FRMD6: variants seen among roughly 807,000 people sequenced by gnomAD.
The protein encoded by FRMD6 is FERM domain containing 6, also known as FERM domain-containing protein 6.
A neutral mutation model predicts 73.2 loss-of-function variants in FRMD6; 37 were observed. The ratio of observed to expected loss-of-function variants is 0.51; its 90% CI spans 0.39 to 0.66. The LOEUF (loss-of-function observed/expected upper bound fraction) is 0.66. Ranked by LOEUF, FRMD6 falls within the 30% of genes least tolerant of loss-of-function variation. The pLI is 0.00. For missense variants in FRMD6, 714 were observed against 780.5 expected, an observed-to-expected ratio of 0.91 and a Z score of 1.02; for synonymous variants, 273 against 282.2, an observed-to-expected ratio of 0.97 and a Z score of 0.33.
chr14:51,673,196 G>T (rs1341876436), intron 1 of FRMD6, among the ~76,000 whole-genome samples: 1 of 152,114 alleles, frequency 6.6e-6, no homozygotes, highest in African/African-American at 2.4e-5. Context: ...ACTATGCCCA[G>T]CTCTATGTGA....
chr14:51,416,542 T>C, the FRMD6 span, among the ~76,000 whole-genome samples: 2 of 152,318 alleles, frequency 1.3e-5, no homozygotes, highest in Non-Finnish European at 2.9e-5. Context: ...TCCTGTTCTT[T>C]TACATTTGCT....
intron 10 of FRMD6, among the ~76,000 whole-genome samples, chr14:51,719,202 T>C (rs1897401339): frequency 6.7e-6 from 1 of 149,614 alleles, no homozygotes; most frequent in African/African-American, 2.5e-5. Flanking sequence ...GGTTGTAACT[T>C]TGTGCCTTAA....
chr14:51,606,894 G>A (rs527587420), intron 2 of FRMD6, among the ~76,000 whole-genome samples: 1 of 152,254 alleles, frequency 6.6e-6, no homozygotes, highest in Admixed American at 6.5e-5. Context: ...GAGGTGGGGA[G>A]GGGGCTGGCA....
chr14:51,527,135 G>A (rs894243790), intron 1 of FRMD6, among the ~76,000 whole-genome samples: 6 of 152,264 alleles, frequency 3.9e-5, no homozygotes, highest in African/African-American at 1.4e-4. Flanking sequence ...ATGATTTAGT[G>A]TAGGAAAAGT....
chr14:51,662,348 C>CA (rs1358812977), intron 1 of FRMD6, among the ~76,000 whole-genome samples: 1 of 152,030 alleles, frequency 6.6e-6, no homozygotes, highest in Non-Finnish European at 1.5e-5. Context: ...ATAGCCAAGG[C>CA]AATCCTAAGC....
In FRMD6 at chr14:51,582,789, G is replaced by T. The variant is rs188790386; in HGVS notation, c.-147+12379G>T. On this transcript the variant is annotated intron_variant, in intron 2 of 14. Transcript: ENST00000356218. ...TCCTTCTGGAGCACTTCTTAAGGGA[G>T]CTTGGTTGCTTTATTGGAAATTCGT... Among the ~76,000 whole-genome samples, 7 of 152,310 alleles carry T rather than the reference G, an allele frequency of 4.6e-5. No homozygotes were observed. In the East Asian group the frequency reaches 7.7e-4, roughly 17 times the overall value.
At chr14:51,501,203 C>T (rs765622611) in intron 1 of FRMD6, among the ~76,000 whole-genome samples, 1 of 152,130 alleles carries the variant, frequency 6.6e-6, no homozygotes, top group African/African-American at 2.4e-5. Context: ...ATGTCATTTT[C>T]TTTGTTCTTC....
the FRMD6 span, among the ~76,000 whole-genome samples, chr14:51,416,247 G>T: frequency 1.3e-5 from 2 of 151,888 alleles, no homozygotes; most frequent in South Asian, 2.1e-4. Flanking sequence ...GTGATGTTAG[G>T]GTGTCAATTT....
the FRMD6 span, among the ~76,000 whole-genome samples, chr14:51,448,576 A>G: frequency 1.3e-5 from 2 of 152,350 alleles, no homozygotes; most frequent in African/African-American, 4.8e-5. Flanking sequence ...CTGAAATATA[A>G]GTTAGTTACC....
chr14:51,624,661 G>A (rs1891053075), intron 2 of FRMD6, among the ~76,000 whole-genome samples: 1 of 152,148 alleles, frequency 6.6e-6, no homozygotes, highest in African/African-American at 2.4e-5. Context: ...TCTGCTTAGC[G>A]AGTGGACAAG....
Position 51,725,776 on chromosome 14 carries a change from C to T in FRMD6, c.1493-3C>T, listed in dbSNP as rs1266588519. ...TTGTTTTTATCTCTGTGTTTTATTT[C>T]AGGGTTGATTGTGAAAGAAATTGGG... On this transcript the variant is annotated splice_polypyrimidine_tract_variant and splice_region_variant and intron_variant, in intron 12 of 13. Transcript: ENST00000344768. 1 of 1,606,546 alleles carries T rather than the reference C, an allele frequency of 6.2e-7. No individual in the cohort carries two copies. The highest frequency in any genetic ancestry group is 1.7e-5 in the Admixed American group (1 of 59,942).
At chr14:51,719,459 T>A (rs946053020) in intron 10 of FRMD6, among the ~76,000 whole-genome samples, 3 of 152,238 alleles carry the variant, frequency 2.0e-5, no homozygotes, top group African/African-American at 7.2e-5. Flanking sequence ...CAAGAAATTC[T>A]CAGAAGAATA....
the FRMD6 span, among the ~76,000 whole-genome samples, chr14:51,447,383 G>A: frequency 2.0e-5 from 3 of 152,208 alleles, no homozygotes; most frequent in South Asian, 4.2e-4. Context: ...CTCCACTCAT[G>A]GGAATCAGTG....
chr14:51,467,694 C>T, the FRMD6 span, among the ~76,000 whole-genome samples: 18 of 149,508 alleles, frequency 1.2e-4, 2 homozygotes, highest in East Asian at 3.0e-3. Context: ...CAGATGGGGT[C>T]GCGGCCTGGC....
At chr14:51,477,737 C>CTTTTTTTTTTTTTTTTTT in the FRMD6 span, among the ~76,000 whole-genome samples, 1 of 134,170 alleles carries the variant, frequency 7.5e-6, no homozygotes, top group Non-Finnish European at 1.6e-5. Flanking sequence ...TTTTCTTTTT[C>CTTTTTTTTTTTTTTTTTT]TTTTTTTTTT....
At chr14:51,580,478 T>C (rs1566481707) in intron 2 of FRMD6, among the ~76,000 whole-genome samples, 5 of 152,144 alleles carry the variant, frequency 3.3e-5, no homozygotes, top group Non-Finnish European at 5.9e-5. Context: ...ATTTTACAAC[T>C]AAGGAAAATG....
intron 2 of FRMD6, among the ~76,000 whole-genome samples, chr14:51,599,430 TG>T (rs2139793971): frequency 6.6e-6 from 1 of 152,168 alleles, no homozygotes; most frequent in African/African-American, 2.4e-5. Context: ...GCATTGACCT[TG>T]GGAAAGAATT....
the FRMD6 span, among the ~76,000 whole-genome samples, chr14:51,417,633 G>A: frequency 5.3e-5 from 8 of 152,032 alleles, no homozygotes; most frequent in Admixed American, 2.0e-4. Flanking sequence ...TGTGTCTTGG[G>A]GTTGCTCTTC....
chr14:51,625,793 C>T (rs900237899), intron 2 of FRMD6, among the ~76,000 whole-genome samples: 8 of 152,192 alleles, frequency 5.3e-5, no homozygotes, highest in Admixed American at 5.2e-4. Context: ...TTTGAGGAAG[C>T]TTTCCCTATT....
Sources: gnomAD v4.1 joint callset for allele counts (sites outside exome capture counted in the v4.1 genomes callset) on GRCh38, gnomAD v4.1.1 for gene constraint, MANE v1.5 for transcripts, NCBI Gene and HGNC (gene_info 2026-07-23, HGNC 2026-07-21) for gene names.